Variants in SERPINE2 observed in about 807,000 individuals in gnomAD.
SERPINE2 encodes glia-derived nexin.
A neutral mutation model predicts 36.3 loss-of-function variants in SERPINE2; 14 were observed. That is an observed-to-expected ratio of 0.39 (90% CI 0.25 to 0.60). The LOEUF (loss-of-function observed/expected upper bound fraction) is 0.60. SERPINE2 is among the 20% of genes least tolerant of loss of function. The pLI, the probability that SERPINE2 is intolerant of heterozygous loss-of-function variation, is 0.57. For synonymous variants in SERPINE2, 192 were observed against 191.8 expected, an observed-to-expected ratio of 1.00 and a Z score of -0.01; for missense variants, 418 against 499.6, an observed-to-expected ratio of 0.84 and a Z score of 1.56.
intron 4 of SERPINE2, 70 bp downstream of exon 4, chr2:223,991,733 A>G: frequency 6.8e-7 from 1 of 1,481,296 alleles, no homozygotes; most frequent in Non-Finnish European, 9.4e-7. Context: ...TCTGGAATTA[A>G]GTTAAAGCAC....
In SERPINE2 at chr2:224,001,843, A is replaced by G. The variant is rs370304769; in HGVS notation, c.58T>C (p.Ser20Pro). The change falls in exon 2 of 9, where the codon TCC becomes CCC. Residue 20 changes from serine (S) to proline (P), a missense_variant. Physicochemically the swap from Ser to Pro is moderately conservative, Grantham distance 74. Transcript: ENST00000409304. ...TCGAGAGACAGAGGATTGAAGTGGG[A>G]GCAGATGGAAGGCAGCGTCACAGAG... ...LASVTLPSIC[S>P]HFNPLSLEEL... The G allele has an allele frequency of 6.2e-7, 1 of 1,614,140 alleles. No individual in the cohort carries two copies. The highest frequency in any genetic ancestry group is 1.1e-5 in the South Asian group (1 of 91,076).
chr2:224,005,073 A>T (rs2118408), intron 1 of SERPINE2, among the ~76,000 whole-genome samples: 2,543 of 9,892 alleles, frequency 0.26, 98 homozygotes, highest in Non-Finnish European at 0.33. Flanking sequence ...TATTATATAT[A>T]TATATATATA....
At chr2:223,977,312 C>A (rs1052322442) in intron 8 of SERPINE2, among the ~76,000 whole-genome samples, 2 of 152,182 alleles carry the variant, frequency 1.3e-5, no homozygotes, top group African/African-American at 4.8e-5. Context: ...TTAAAAACAA[C>A]AATCCGCAAA....
chr2:224,030,367 C>T, intron 1 of SERPINE2: 1 of 291,788 alleles, frequency 3.4e-6, no homozygotes, highest in Non-Finnish European at 5.1e-6. Context: ...GAGAAGTGCT[C>T]ACCTGTACTT....
intron 1 of SERPINE2, chr2:224,014,077 GA>G (rs1691717350): frequency 6.6e-6 from 1 of 152,296 alleles, no homozygotes; most frequent in African/African-American, 2.4e-5. Flanking sequence ...GCCTTGGCTT[GA>G]AAATTCCAGG....
intron 2 of SERPINE2, chr2:224,001,425 A>G (rs529054412): frequency 7.7e-6 from 4 of 517,474 alleles, no homozygotes; most frequent in Non-Finnish European, 1.3e-5. Context: ...CCAAGCTCCA[A>G]AAGTACAAAA....
intron 4 of SERPINE2, among the ~76,000 whole-genome samples, chr2:223,986,002 G>A (rs1574813810): frequency 6.6e-6 from 1 of 152,208 alleles, no homozygotes; most frequent in African/African-American, 2.4e-5. Flanking sequence ...CAAGTTTCTT[G>A]CACGATTTTC....
intron 1 of SERPINE2, among the ~76,000 whole-genome samples, chr2:224,028,057 T>C (rs1291336426): frequency 6.6e-6 from 1 of 151,910 alleles, no homozygotes; most frequent in African/African-American, 2.4e-5. Context: ...TAGGATCGGG[T>C]TGTAAGAGCC....
intron 1 of SERPINE2, chr2:224,038,507 C>T (rs879916230): frequency 1.3e-6 from 2 of 1,551,516 alleles, no homozygotes; most frequent in Non-Finnish European, 1.7e-6. Flanking sequence ...CACTCATCCG[C>T]CTCGCAACTC....
At chr2:224,000,464 T>C (rs1030836006) in intron 2 of SERPINE2, among the ~76,000 whole-genome samples, 1 of 152,186 alleles carries the variant, frequency 6.6e-6, no homozygotes, top group Non-Finnish European at 1.5e-5. Flanking sequence ...TCTTTTTCAT[T>C]GGGCCTTACT....
At chr2:224,031,189 G>A (rs1372858492) in intron 1 of SERPINE2, 1 of 985,296 alleles carries the variant, frequency 1.0e-6, no homozygotes, top group African/African-American at 1.7e-5. Flanking sequence ...CCAGGCTCTG[G>A]CACTGACACA....
intron 1 of SERPINE2, among the ~76,000 whole-genome samples, chr2:224,017,997 C>G (rs939732199): frequency 6.6e-6 from 1 of 152,180 alleles, no homozygotes; most frequent in Non-Finnish European, 1.5e-5. Flanking sequence ...TCCTTTATTT[C>G]TTTGTTATTA....
intron 1 of SERPINE2, among the ~76,000 whole-genome samples, chr2:224,024,204 C>G (rs1263353227): frequency 1.3e-5 from 2 of 152,212 alleles, no homozygotes; most frequent in African/African-American, 4.8e-5. Context: ...GCTTTTATCT[C>G]CAACTCTTTG....
chr2:223,996,075 G>A (rs1259041938), intron 3 of SERPINE2, among the ~76,000 whole-genome samples: 1 of 152,160 alleles, frequency 6.6e-6, no homozygotes, highest in African/African-American at 2.4e-5. Flanking sequence ...CGGAGGAGCT[G>A]GGGCTGACAG....
intron 4 of SERPINE2, 42 bp downstream of exon 4, chr2:223,991,761 G>A (rs186574973): frequency 2.5e-5 from 40 of 1,599,694 alleles, no homozygotes; most frequent in Admixed American, 1.5e-4. Context: ...CCTTTCTGCC[G>A]CCAGCACATC....
chr2:223,991,767 ACATCCTAGAAC>A, intron 4 of SERPINE2, 25 bp downstream of exon 4: 1 of 1,606,666 alleles, frequency 6.2e-7, no homozygotes, highest in Non-Finnish European at 8.5e-7. Flanking sequence ...TGCCGCCAGC[ACATCCTAGAAC>A]AGGCTTCGCT....
chr2:224,022,977 GC>G lies in SERPINE2; in HGVS notation c.-23+16121del, dbSNP rs1692060095. On this transcript the variant is annotated intron_variant, in intron 1 of 8. Coordinates refer to ENST00000409304, the MANE Select transcript of SERPINE2 (RefSeq NM_001136528.2). The stretch of plus-strand genomic sequence containing the variant: ...TGTCCTGTCACCCTGTGAAGAAGGT[GC>G]CTGCTTTTCCTTTGCCTTCCACCAT... Among the ~76,000 whole-genome samples, 14 of 152,146 alleles carry G rather than the reference GC, an allele frequency of 9.2e-5. 1 individual carries two copies. Among genetic ancestry groups the G allele is most frequent in the Admixed American group, 9.2e-4 (14 of 15,282 alleles).
intron 1 of SERPINE2, among the ~76,000 whole-genome samples, chr2:224,028,698 G>A (rs16865507): frequency 0.013 from 1,954 of 152,262 alleles, 47 homozygotes; most frequent in African/African-American, 0.045. Flanking sequence ...CAACAGGATC[G>A]TGTATAAAAG....
chr2:223,986,000 T>C (rs1409789196), intron 4 of SERPINE2, among the ~76,000 whole-genome samples: 1 of 152,222 alleles, frequency 6.6e-6, no homozygotes, highest in Non-Finnish European at 1.5e-5. Flanking sequence ...AGCAAGTTTC[T>C]TGCACGATTT....
Sources: allele counts gnomAD v4.1 joint callset (sites outside exome capture counted in the v4.1 genomes callset), GRCh38; gene constraint gnomAD v4.1.1; transcripts MANE v1.5; gene names NCBI Gene and HGNC (gene_info 2026-07-23, HGNC 2026-07-21).